The following DZIP1L variants were observed in gnomAD, a reference collection of about 807,000 sequenced individuals.
DZIP1L encodes the protein DAZ interacting zinc finger protein 1 like, also known as cilium assembly protein DZIP1L.
DZIP1L carries 90 observed loss-of-function variants against 88.7 expected under a neutral mutation model. The observed-to-expected ratio is 1.02, with a 90% confidence interval of 0.86 to 1.21. The LOEUF (loss-of-function observed/expected upper bound fraction) is 1.21, where lower values mean the gene tolerates loss of function less well. Ranked by LOEUF, DZIP1L falls within the 50% of genes most tolerant of loss-of-function variation. The probability of loss-of-function intolerance (pLI) is 0.00; values close to 1 mark genes in which losing one functional copy is unlikely to be tolerated. For missense variants in DZIP1L, 932 were observed against 955.8 expected (o/e 0.98, Z 0.33); for synonymous variants, 363 against 372.1 (o/e 0.98, Z 0.28).
chr3:138,100,817 C>A (rs567277862), intron 2 of DZIP1L, among the ~76,000 whole-genome samples: 4 of 152,330 alleles, frequency 2.6e-5, no homozygotes, highest in African/African-American at 9.6e-5. Flanking sequence ...CAGGGCCTAG[C>A]CACCATGACA....
In DZIP1L at chr3:138,092,544, C is replaced by G; in HGVS notation, c.709G>C (p.Glu237Gln). 21 of 1,561,650 alleles carry G rather than the reference C, an allele frequency of 1.3e-5. No individual in the cohort carries two copies. Among genetic ancestry groups the G allele is most frequent in the Admixed American group, 2.1e-5 (1 of 46,610 alleles). Residue 237 changes from glutamate (E) to glutamine (Q), a missense_variant and splice_region_variant, in exon 5 of 16, where the codon GAA becomes CAA. Transcript: ENST00000327532. ...TCCCTCTGATGAATGAGCTCTGCTT[C>G]CTAAAAAGAAGAGCAAGAACAATAT... The part of the protein sequence containing the change: ...REAERQRQLQ[E>Q]AELIHQREIE...
intron 11 of DZIP1L, among the ~76,000 whole-genome samples, chr3:138,075,285 T>C (rs2622707): frequency 0.6 from 91,613 of 151,978 alleles, 29,117 homozygotes; most frequent in Non-Finnish European, 0.7. Flanking sequence ...AGACTTAAAC[T>C]ATAACCTAGA....
chr3:138,067,492 C>A lies in DZIP1L; in HGVS notation c.2002+39G>T, dbSNP rs755224352. ...AATCTGGGCTGGAGAAGGGCTACAC[C>A]GGTGGTCCCAGCCCACTCACCCAAA... On this transcript the variant is annotated intron_variant, in intron 14 of 15. Coordinates refer to ENST00000327532, the MANE Select transcript of DZIP1L (RefSeq NM_173543.3). 45 of 1,548,410 alleles carry A rather than the reference C, an allele frequency of 2.9e-5. 1 individual carries two copies. In the South Asian group the frequency reaches 5.2e-4, roughly 18 times the overall value.
intron 11 of DZIP1L, among the ~76,000 whole-genome samples, chr3:138,072,658 G>A (rs1389367702): frequency 1.3e-5 from 2 of 152,202 alleles, no homozygotes; most frequent in African/African-American, 4.8e-5. Flanking sequence ...ACTAGTTGGA[G>A]AGAGAATCCA....
At chr3:138,091,034 C>A (rs1490640092) in intron 5 of DZIP1L, among the ~76,000 whole-genome samples, 3 of 151,964 alleles carry the variant, frequency 2.0e-5, no homozygotes, top group Non-Finnish European at 4.4e-5. Context: ...TAGGCACCTG[C>A]CACCACACCC....
intron 11 of DZIP1L, among the ~76,000 whole-genome samples, chr3:138,074,085 A>G (rs1043829329): frequency 6.6e-6 from 1 of 152,172 alleles, no homozygotes; most frequent in African/African-American, 2.4e-5. Context: ...ACCTAAGAAT[A>G]ATTGTTATTC....
chr3:138,102,802 G>A, intron 2 of DZIP1L: 5 of 746,104 alleles, frequency 6.7e-6, no homozygotes, highest in South Asian at 4.1e-5. Flanking sequence ...GCCCACTCAG[G>A]AGAAGCTCAA....
chr3:138,097,743 G>A lies in DZIP1L; in HGVS notation c.586+20C>T, dbSNP rs758649407. 26 of 1,600,192 alleles carry A rather than the reference G, an allele frequency of 1.6e-5. No homozygotes were observed. The East Asian group carries it at 2.9e-4, about 18-fold the overall frequency. On this transcript the variant is annotated intron_variant, in intron 3 of 15. Transcript: ENST00000327532. ...CTTTCCACAGTCCCAGAAGGGGCCC[G>A]GGCTGCTGTCTGGACTCACCACCTT...
intron 14 of DZIP1L, among the ~76,000 whole-genome samples, chr3:138,066,278 C>T (rs952045302): frequency 2.2e-4 from 34 of 152,164 alleles, no homozygotes; most frequent in African/African-American, 7.5e-4. Flanking sequence ...CAAGTTGTAA[C>T]TGAGGTTTAC....
chr3:138,108,400 AAC>A (rs1191095676), intron 1 of DZIP1L, among the ~76,000 whole-genome samples: 1 of 152,108 alleles, frequency 6.6e-6, no homozygotes, highest in Non-Finnish European at 1.5e-5. Flanking sequence ...GATGTTTGCC[AAC>A]AGTCCTCTCT....
chr3:138,081,296 G>C (rs755670606), intron 9 of DZIP1L, among the ~76,000 whole-genome samples: 1 of 152,102 alleles, frequency 6.6e-6, no homozygotes, highest in East Asian at 1.9e-4. Flanking sequence ...CCCCACACCA[G>C]AGTACCCAAG....
At chr3:138,100,723 T>C (rs2042275344) in intron 2 of DZIP1L, among the ~76,000 whole-genome samples, 1 of 152,164 alleles carries the variant, frequency 6.6e-6, no homozygotes. Context: ...TAAGCAGAAA[T>C]AGGTAACCCA....
In DZIP1L at chr3:138,063,052, G is replaced by A. The variant is rs1559817605; in HGVS notation, c.2143-75C>T. 7 of 1,520,824 alleles carry A rather than the reference G, an allele frequency of 4.6e-6. No individual in the cohort carries two copies. Among genetic ancestry groups the A allele is most frequent in the Non-Finnish European group, 6.3e-6 (7 of 1,115,662 alleles). The allele number at this position is 1,520,824 out of a possible 1,614,324, so 94.2% of individuals were successfully genotyped here. ...GTGGCTGAGAGCTAAGCACATTGCAGGATGGGAATGCAGAATGGAAATGGG... is the reference window on the plus strand; with the variant it reads ...GTGGCTGAGAGCTAAGCACATTGCAAGATGGGAATGCAGAATGGAAATGGG... On this transcript the variant is annotated intron_variant, in intron 15 of 15. Transcript: ENST00000327532. The surrounding 1 kb of genome is among the most constrained non-coding windows in gnomAD (Gnocchi z 4.1).
At chr3:138,097,613 G>C in intron 3 of DZIP1L, 150 bp downstream of exon 3, 1 of 696,690 alleles carries the variant, frequency 1.4e-6, no homozygotes, top group South Asian at 2.0e-5. Flanking sequence ...GGGCTCCCCC[G>C]GTGGTGGATG....
At chr3:138,105,768 T>C (rs1446717389) in intron 1 of DZIP1L, among the ~76,000 whole-genome samples, 2 of 152,150 alleles carry the variant, frequency 1.3e-5, no homozygotes, top group Non-Finnish European at 2.9e-5. Flanking sequence ...GAAAGACTCA[T>C]ATTTGTTATA....
chr3:138,073,954 G>A (rs1943287612), intron 11 of DZIP1L, among the ~76,000 whole-genome samples: 1 of 151,924 alleles, frequency 6.6e-6, no homozygotes, highest in Admixed American at 6.6e-5. Flanking sequence ...ACAAGCAGAA[G>A]AAAGAACTTC....
rs937117113 is a variant in DZIP1L at position 138,063,528 on chromosome 3, C to A, written c.2143-551G>T. 6.6e-6 allele frequency among the ~76,000 whole-genome samples: 1 copy of A among 152,212 alleles called. No homozygotes were observed. Among genetic ancestry groups the A allele is most frequent in the Non-Finnish European group, 1.5e-5 (1 of 68,030 alleles). On this transcript the variant is annotated intron_variant, in intron 15 of 15. Transcript: ENST00000327532. This position sits in a 1 kb window ranked among gnomAD's most constrained non-coding sequence, Gnocchi z 4.1. ...GAGTCAGCCAAGGGACCAGGCCACC[C>A]CCTGACCACAGCCACCTGCGTAGCA...
chr3:138,094,528 A>T (rs1944376074), intron 4 of DZIP1L, among the ~76,000 whole-genome samples: 1 of 152,242 alleles, frequency 6.6e-6, no homozygotes, highest in South Asian at 2.1e-4. Context: ...GAGCTTTCAG[A>T]ATCAAACCCA....
At chr3:138,065,283 T>C (rs1942845423) in intron 14 of DZIP1L, among the ~76,000 whole-genome samples, 1 of 152,134 alleles carries the variant, frequency 6.6e-6, no homozygotes, top group Non-Finnish European at 1.5e-5. Context: ...ACCTCAGGAA[T>C]GACCAGGAAG....
Sources: allele counts gnomAD v4.1 joint callset (sites outside exome capture counted in the v4.1 genomes callset), GRCh38; gene constraint gnomAD v4.1.1; non-coding constraint Gnocchi (gnomAD v3.1); transcripts MANE v1.5; gene names NCBI Gene and HGNC (gene_info 2026-07-23, HGNC 2026-07-21).